Variants in TLK1 observed in about 807,000 individuals in gnomAD.
TLK1 encodes serine/threonine-protein kinase tousled-like 1.
In TLK1, 24 loss-of-function variants were observed where a neutral mutation model predicts 105.3. The observed-to-expected ratio is 0.23, with a 90% CI of 0.17 to 0.32. The LOEUF (loss-of-function observed/expected upper bound fraction) is 0.32. TLK1 is among the 10% of genes least tolerant of loss of function. The pLI is 1.00. For missense variants in TLK1, 558 were observed against 910.5 expected, an observed-to-expected ratio of 0.61 and a Z score of 4.98; for synonymous variants, 321 against 310.4, an observed-to-expected ratio of 1.03 and a Z score of -0.36.
chr2:171,049,563 A>G (rs1687134533), intron 10 of TLK1, among the ~76,000 whole-genome samples: 1 of 152,222 alleles, frequency 6.6e-6, no homozygotes, highest in Non-Finnish European at 1.5e-5. Context: ...GTAAAGCTAA[A>G]GGTTCAATTA....
chr2:171,025,978 T>C lies in TLK1; in HGVS notation c.1236+2361A>G, dbSNP rs188139466. 7.0e-4 allele frequency among the ~76,000 whole-genome samples: 106 copies of C among 152,256 alleles called. 2 individuals carry two copies. Among genetic ancestry groups the C allele is most frequent in the African/African-American group, 2.5e-3 (102 of 41,566 alleles). The stretch of plus-strand genomic sequence containing the variant: ...CAAAATAGTCTCTCAGAAGAAAACA[T>C]GGGTATTCATGACATGAGAGTATGT... On this transcript the variant is annotated intron_variant, in intron 12 of 20. Coordinates refer to ENST00000431350, the MANE Select transcript of TLK1 (RefSeq NM_012290.5).
At chr2:171,057,370 T>C (rs1033247291) in intron 5 of TLK1, among the ~76,000 whole-genome samples, 2 of 152,048 alleles carry the variant, frequency 1.3e-5, no homozygotes, top group South Asian at 2.1e-4. Flanking sequence ...ATTTATTTTA[T>C]CAATAGAGCC....
At chr2:170,998,965 G>T (rs1443788219) in intron 18 of TLK1, among the ~76,000 whole-genome samples, 1 of 152,102 alleles carries the variant, frequency 6.6e-6, no homozygotes, top group Non-Finnish European at 1.5e-5. Context: ...ATAGTCTTGT[G>T]CTGTTGACCA....
intron 11 of TLK1, among the ~76,000 whole-genome samples, chr2:171,043,953 A>G (rs901445043): frequency 6.6e-6 from 1 of 152,306 alleles, no homozygotes; most frequent in East Asian, 1.9e-4. Context: ...AAACAAATTT[A>G]CTAACTTACA....
At chr2:171,049,518 A>G (rs1687132279) in intron 10 of TLK1, among the ~76,000 whole-genome samples, 1 of 152,206 alleles carries the variant, frequency 6.6e-6, no homozygotes, top group Non-Finnish European at 1.5e-5. Flanking sequence ...AGTGAAAATT[A>G]AATTTTCAAC....
At chr2:171,030,912 T>G (rs1686010719) in intron 11 of TLK1, among the ~76,000 whole-genome samples, 1 of 152,104 alleles carries the variant, frequency 6.6e-6, no homozygotes, top group Non-Finnish European at 1.5e-5. Context: ...CTCCTACACA[T>G]GCACATGGCT....
At chr2:171,079,589 A>T (rs1688658310) in intron 3 of TLK1, among the ~76,000 whole-genome samples, 2 of 152,248 alleles carry the variant, frequency 1.3e-5, no homozygotes, top group Admixed American at 1.3e-4. Context: ...TGTAAAATAA[A>T]ACAAAATCAA....
chr2:171,092,550 A>G (rs1026125913), intron 2 of TLK1, among the ~76,000 whole-genome samples: 1 of 152,180 alleles, frequency 6.6e-6, no homozygotes, highest in Non-Finnish European at 1.5e-5. Context: ...CAAAATATCT[A>G]TTTACTGTGC....
intron 1 of TLK1, among the ~76,000 whole-genome samples, chr2:171,215,221 G>A (rs1182726168): frequency 3.3e-5 from 5 of 152,150 alleles, no homozygotes; most frequent in Admixed American, 2.0e-4. Flanking sequence ...GATTACAGGC[G>A]TGAGCCGCCG....
In TLK1 at chr2:171,227,568, C is replaced by CTTTTTT. The variant is rs71401413; in HGVS notation, c.-6+3571_-6+3576dup. Reference sequence around the variant, plus strand: ...AGTTAGTCATGAGTTAGTAAATCTCCTTTTTTTTTTTTTTTTTTTTTTTTT... The same window carrying CTTTTTT: ...AGTTAGTCATGAGTTAGTAAATCTCCTTTTTTTTTTTTTTTTTTTTTTTTTTTTTTT... On this transcript the variant is annotated intron_variant, in intron 1 of 20. Coordinates refer to the TLK1 transcript ENST00000521943. 7.8e-3 allele frequency among the ~76,000 whole-genome samples: 431 copies of CTTTTTT among 55,496 alleles called. 44 individuals are homozygous for CTTTTTT. The highest frequency in any genetic ancestry group is 9.5e-3 in the Non-Finnish European group (287 of 30,280). 36.4% of individuals were successfully genotyped at this position (55,496 alleles called of 152,430 possible).
chr2:171,052,964 T>G (rs1687312745), intron 8 of TLK1, among the ~76,000 whole-genome samples: 1 of 152,214 alleles, frequency 6.6e-6, no homozygotes, highest in African/African-American at 2.4e-5. Context: ...TCAGAACCCC[T>G]CAGGGTAGAG....
At chr2:171,010,052 C>A (rs930000844) in intron 14 of TLK1, among the ~76,000 whole-genome samples, 1 of 152,136 alleles carries the variant, frequency 6.6e-6, no homozygotes, top group African/African-American at 2.4e-5. Flanking sequence ...AAAGTTCACT[C>A]TAGTTGCAGT....
At chr2:171,101,776 T>C (rs1689704182) in intron 2 of TLK1, among the ~76,000 whole-genome samples, 2 of 152,124 alleles carry the variant, frequency 1.3e-5, no homozygotes, top group South Asian at 4.1e-4. Flanking sequence ...ATACACAGAC[T>C]TGAGGCCTTC....
chr2:171,001,462 A>G (rs534864547), intron 18 of TLK1, among the ~76,000 whole-genome samples: 2 of 152,328 alleles, frequency 1.3e-5, no homozygotes, highest in Admixed American at 1.3e-4. Flanking sequence ...CAATCCAAAA[A>G]AAGGGTTCCA....
At position 171,053,827 on chromosome 2, in the gene TLK1, T is replaced by G; in HGVS notation, c.666A>C (p.Ala222=). The stretch of plus-strand genomic sequence containing the variant: ...CCTGGATTTTATTACTTTCTAATGC[T>G]GCTAATTTCAGCATTGTGAGATCAG... ...IQTDLTMLKL[A]ALESNKIQDL... Residue 222 remains alanine (A), a synonymous_variant, in exon 8 of 21, where the codon GCA becomes GCC. Coordinates refer to ENST00000431350, the MANE Select transcript of TLK1 (RefSeq NM_012290.5). 6.2e-7 allele frequency: 1 copy of G among 1,609,836 alleles called. No individual in the cohort carries two copies. The highest frequency in any genetic ancestry group is 8.5e-7 in the Non-Finnish European group (1 of 1,178,008).
At chr2:171,131,682 T>A (rs1691111450) in intron 1 of TLK1, among the ~76,000 whole-genome samples, 1 of 152,118 alleles carries the variant, frequency 6.6e-6, no homozygotes, top group Admixed American at 6.6e-5. Flanking sequence ...TTCACTTCTT[T>A]CCCTTTTTAC....
chr2:171,117,683 T>C, intron 2 of TLK1, 56 bp downstream of exon 2: 1 of 1,384,940 alleles, frequency 7.2e-7, no homozygotes, highest in South Asian at 1.2e-5. Context: ...TACATACTAT[T>C]TTAGATCATT....
intron 19 of TLK1, among the ~76,000 whole-genome samples, chr2:170,997,336 G>C (rs1684112997): frequency 6.6e-6 from 1 of 152,164 alleles, no homozygotes; most frequent in Non-Finnish European, 1.5e-5. Context: ...TCCCTGATGA[G>C]CAACGGGGAA....
intron 20 of TLK1, 129 bp from the exon 21 acceptor site, chr2:170,994,085 CT>C: frequency 9.5e-7 from 1 of 1,051,630 alleles, no homozygotes; most frequent in Non-Finnish European, 1.3e-6. Context: ...AAGTTCAAAC[CT>C]TAAAAAAAAA....
Sources: gnomAD v4.1 joint callset for allele counts (sites outside exome capture counted in the v4.1 genomes callset) on GRCh38, gnomAD v4.1.1 for gene constraint, MANE v1.5 for transcripts, NCBI Gene and HGNC (gene_info 2026-07-23, HGNC 2026-07-21) for gene names.